RADIL: variants seen among roughly 807,000 people sequenced by gnomAD.
The protein encoded by RADIL is Rap associating with DIL domain.
Under a neutral mutation model 97.6 loss-of-function variants are expected in RADIL, and 99 were observed. The ratio of observed to expected loss-of-function variants is 1.01; its 90% confidence interval spans 0.86 to 1.20. RADIL has a LOEUF of 1.20. Ranked by LOEUF, RADIL falls within the 50% of genes most tolerant of loss-of-function variation. The probability of loss-of-function intolerance (pLI) is 0.00; values close to 1 mark genes in which losing one functional copy is unlikely to be tolerated. For missense variants in RADIL, 1,765 were observed against 1,498.9 expected (o/e 1.18, Z -2.93); for synonymous variants, 803 against 691.8 (o/e 1.16, Z -2.52).
In RADIL at chr7:4,880,329, C is replaced by T. The variant is rs1784458934; in HGVS notation, c.-64-2126G>A. 6.6e-6 allele frequency among the ~76,000 whole-genome samples: 1 copy of T among 152,186 alleles called. No individual in the cohort carries two copies. The highest frequency in any genetic ancestry group is 2.1e-4 in the South Asian group (1 of 4,830). ...CTTCCCCCACGGACTCATCAAAGGC[C>T]TCGGTTTCATTTACAACAAAAGCAT... On this transcript the variant is annotated intron_variant, in intron 1 of 14. Transcript: ENST00000399583. The surrounding 1 kb of genome is among the most constrained non-coding windows in gnomAD (Gnocchi z 4.5).
rs953606081 is a variant in RADIL, at chr7:4,803,828, G to A, written c.2291-74C>T. On this transcript the variant is annotated intron_variant, in intron 10 of 14. Transcript: ENST00000399583. ...CCTCGCCAGGCCGCCCCGCCCAACG[G>A]TGTGGGAACCCAGGGGCCAGCAGAT... The A allele has an allele frequency of 7.3e-6, 10 of 1,369,530 alleles. No homozygotes were observed. The African/African-American group carries it at 1.4e-4, about 20-fold the overall frequency. The allele number at this position is 1,369,530 out of a possible 1,614,324, so 84.8% of individuals were successfully genotyped here.
At chr7:4,827,756 C>A (rs73314473) in intron 5 of RADIL, among the ~76,000 whole-genome samples, 3 of 152,126 alleles carry the variant, frequency 2.0e-5, no homozygotes, top group African/African-American at 7.2e-5. Context: ...CCCGAGGACT[C>A]TGGCCCGGAT....
At position 4,878,386 on chromosome 7, in the gene RADIL, A is replaced by C. The variant is rs1436332407; in HGVS notation, c.-64-183T>G. Among the ~76,000 whole-genome samples, 1 of 152,144 alleles carries C rather than the reference A, an allele frequency of 6.6e-6. No individual in the cohort carries two copies. The highest frequency in any genetic ancestry group is 6.5e-5 in the Admixed American group (1 of 15,278). On this transcript the variant is annotated intron_variant, in intron 1 of 14. Coordinates refer to ENST00000399583, the MANE Select transcript of RADIL (RefSeq NM_018059.5). The surrounding 1 kb of genome is among the most constrained non-coding windows in gnomAD (Gnocchi z 4.1). ...TAGTAAGGCCCCGGCTCTACAAAAAATTTAAAAATTAGCCAGGCATGGTGG... is the reference window on the plus strand; with the variant it reads ...TAGTAAGGCCCCGGCTCTACAAAAACTTTAAAAATTAGCCAGGCATGGTGG...
At chr7:4,870,037 G>A (rs1174576451) in intron 2 of RADIL, among the ~76,000 whole-genome samples, 1 of 152,180 alleles carries the variant, frequency 6.6e-6, no homozygotes, top group Non-Finnish European at 1.5e-5. Context: ...TACGCAGAGG[G>A]GCTGAGGTGG....
rs772984915 is a variant in RADIL, at chr7:4,803,549, G to C, written c.2496C>G (p.Pro832=). Residue 832 remains proline, a synonymous_variant, in exon 11 of 15, where the codon CCC becomes CCG. Coordinates refer to ENST00000399583, the MANE Select transcript of RADIL (RefSeq NM_018059.5). The part of the protein sequence containing the change: ...PGSGASQPVC[P]EGMHHVVLDG... ...GGGGGGCCCCCTCCCCGGGTACCTC[G>C]GGGCACACTGGCTGGGAGGCCCCAC... 6 of 1,539,048 alleles carry C rather than the reference G, an allele frequency of 3.9e-6. No individual in the cohort carries two copies. Among genetic ancestry groups the C allele is most frequent in the Non-Finnish European group, 8.8e-7 (1 of 1,140,066 alleles).
intron 2 of RADIL, among the ~76,000 whole-genome samples, chr7:4,836,835 G>A (rs1017871208): frequency 1.3e-5 from 2 of 152,136 alleles, no homozygotes; most frequent in African/African-American, 4.8e-5. Flanking sequence ...CTACTCAGGA[G>A]GCTGAGGCAC....
rs115596435 is a variant in RADIL, at chr7:4,839,709, G to T, written c.536-3104C>A. Among the ~76,000 whole-genome samples the T allele has an allele frequency of 7.3e-3, 1,110 of 152,248 alleles. 17 individuals carry two copies. The highest frequency in any genetic ancestry group is 0.025 in the African/African-American group (1,058 of 41,542). Reference sequence around the variant, plus strand: ...ATCTGGGAGGGGAACCCAGGTGTCAGATAAATGTAACTGATGATACTTTAT... The same window carrying T: ...ATCTGGGAGGGGAACCCAGGTGTCATATAAATGTAACTGATGATACTTTAT... On this transcript the variant is annotated intron_variant, in intron 2 of 14. Transcript: ENST00000399583.
chr7:4,865,283 T>G, intron 2 of RADIL: 1 of 415,056 alleles, frequency 2.4e-6, no homozygotes, highest in African/African-American at 2.1e-5. Context: ...CATTATGACA[T>G]TTTGGACAAC....
At chr7:4,823,239 T>G (rs1168214925) in intron 5 of RADIL, among the ~76,000 whole-genome samples, 3 of 151,372 alleles carry the variant, frequency 2.0e-5, no homozygotes, top group African/African-American at 4.9e-5. Context: ...GTGGATCACC[T>G]GAGGTCAGGA....
At position 4,854,020 on chromosome 7, in the gene RADIL, T is replaced by A. The variant is rs74565174; in HGVS notation, c.536-17415A>T. Among the ~76,000 whole-genome samples the A allele has an allele frequency of 6.6e-6, 1 of 152,148 alleles. No homozygotes were observed. Among genetic ancestry groups the A allele is most frequent in the East Asian group, 1.9e-4 (1 of 5,188 alleles). On this transcript the variant is annotated intron_variant, in intron 2 of 14. Transcript: ENST00000399583. This position sits in a 1 kb window ranked among gnomAD's most constrained non-coding sequence, Gnocchi z 5.1. Reference sequence around the variant, plus strand: ...GAGGGGATGCCGCTGTTGGGACTTCTCCGAAAGCTCCATAGGTGGGCAGTT... The same window carrying A: ...GAGGGGATGCCGCTGTTGGGACTTCACCGAAAGCTCCATAGGTGGGCAGTT...
Position 4,816,322 on chromosome 7 carries a change from C to A in RADIL, c.1872G>T (p.Arg624=), listed in dbSNP as rs1329617261. ...SVYQAALDLL[R]QLQVHPEVAS... is the part of the protein sequence containing the mutation. ...CCACCTCGGGGTGCACCTGCAGCTG[C>A]CGCAGGAGGTCCAGGGCTGCCTGGT... The change falls in exon 8 of 15, where the codon CGG becomes CGT. Residue 624 remains arginine, a synonymous_variant. Transcript: ENST00000399583. 3.1e-6 allele frequency: 5 copies of A among 1,612,416 alleles called. No individual in the cohort carries two copies. Among genetic ancestry groups the A allele is most frequent in the East Asian group, 2.2e-5 (1 of 44,868 alleles).
chr7:4,797,887 T>C lies in RADIL; in HGVS notation c.*1491A>G, dbSNP rs756860768. On this transcript the variant is annotated 3_prime_UTR_variant, in exon 15 of 15. Coordinates refer to ENST00000399583, the MANE Select transcript of RADIL (RefSeq NM_018059.5). ...CAGCTACTCAGGAGACTGAGGAGAA[T>C]TGCTTGAACCTGGGAGGTGGAGGTT... is the stretch of plus-strand genomic sequence containing the variant. The C allele has an allele frequency of 6.6e-6, 1 of 152,010 alleles. No homozygotes were observed. The highest frequency in any genetic ancestry group is 1.5e-5 in the Non-Finnish European group (1 of 68,018). 9.4% of individuals were successfully genotyped at this position (152,010 alleles called of 1,614,324 possible). A position where few individuals can be genotyped will look rare whatever the true frequency, so the allele number is the denominator to read the frequency against.
In RADIL at chr7:4,877,702, T is replaced by C; in HGVS notation, c.438A>G (p.Leu146=). Residue 146 remains leucine (L), a synonymous_variant, in exon 2 of 15, where the codon TTA becomes TTG. Transcript: ENST00000399583. ...DSEKPLLIQE[L]WKPREGLSRR... is the part of the protein sequence containing the mutation. The stretch of plus-strand genomic sequence containing the variant: ...GGGATAAACCTTCTCGGGGTTTCCA[T>C]AATTCCTGGATCAAGAGGGGCTTCT... The C allele has an allele frequency of 6.2e-7, 1 of 1,614,152 alleles. No homozygotes were observed. The highest frequency in any genetic ancestry group is 8.5e-7 in the Non-Finnish European group (1 of 1,180,022).
chr7:4,822,584 C>T lies in RADIL; in HGVS notation c.1455-30G>A, dbSNP rs1369213289. On this transcript the variant is annotated intron_variant, in intron 5 of 14. Coordinates refer to ENST00000399583, the MANE Select transcript of RADIL (RefSeq NM_018059.5). This position sits in a 1 kb window ranked among gnomAD's most constrained non-coding sequence, Gnocchi z 5.3. ...CAAGACAGAAAGACTAAGAGTTACG[C>T]GGGGACCCGACCCTCAGGAGGCTGA... 14 of 1,604,488 alleles carry T rather than the reference C, an allele frequency of 8.7e-6. No homozygotes were observed. Among genetic ancestry groups the T allele is most frequent in the East Asian group, 2.2e-5 (1 of 44,850 alleles).
At chr7:4,826,561 T>C (rs1252770823) in intron 5 of RADIL, among the ~76,000 whole-genome samples, 3 of 151,364 alleles carry the variant, frequency 2.0e-5, no homozygotes, top group Non-Finnish European at 4.4e-5. Flanking sequence ...GGTGAACCCC[T>C]GTCTCTACTA....
intron 13 of RADIL, among the ~76,000 whole-genome samples, 167 bp from the exon 14 acceptor site, chr7:4,799,936 C>G (rs1195981881): frequency 1.3e-5 from 2 of 152,222 alleles, no homozygotes; most frequent in African/African-American, 4.8e-5. Context: ...CCACCGTCCC[C>G]ACAGGCCCAG....
At chr7:4,826,677 G>A (rs1562439263) in intron 5 of RADIL, among the ~76,000 whole-genome samples, 1 of 150,072 alleles carries the variant, frequency 6.7e-6, no homozygotes, top group Non-Finnish European at 1.5e-5. Context: ...AGGTTGCAGT[G>A]AGCTGAGATC....
At chr7:4,806,484 G>A (rs2115167586) in intron 9 of RADIL, among the ~76,000 whole-genome samples, 1 of 152,266 alleles carries the variant, frequency 6.6e-6, no homozygotes, top group East Asian at 1.9e-4. Flanking sequence ...ACTGGCTCCG[G>A]CCCAGGAAAA....
chr7:4,860,519 A>AT (rs1783959447), intron 2 of RADIL: 2 of 1,614,056 alleles, frequency 1.2e-6, no homozygotes, highest in Admixed American at 1.7e-5. Context: ...AAATTCTTCC[A>AT]TATCAGGATT....
Sources: gnomAD v4.1 joint callset for allele counts (sites outside exome capture counted in the v4.1 genomes callset) on GRCh38, gnomAD v4.1.1 for gene constraint, Gnocchi (gnomAD v3.1) non-coding constraint, MANE v1.5 for transcripts, NCBI Gene and HGNC (gene_info 2026-07-23, HGNC 2026-07-21) for gene names.